Variants in SPCS3 observed in about 807,000 individuals in gnomAD.
The protein encoded by SPCS3 is SPase 22 kDa subunit.
SPCS3 carries 9 observed loss-of-function variants against 17.2 expected under a neutral mutation model. The observed-to-expected ratio is 0.52, with a 90% CI of 0.31 to 0.91. The LOEUF (loss-of-function observed/expected upper bound fraction) is 0.91. Ranked by LOEUF, SPCS3 falls within the 40% of genes least tolerant of loss-of-function variation. SPCS3 has a pLI of 0.04. For synonymous variants in SPCS3, 87 were observed against 89.6 expected, an observed-to-expected ratio of 0.97 and a Z score of 0.16; for missense variants, 139 against 217.5, an observed-to-expected ratio of 0.64 and a Z score of 2.27.
intron 1 of SPCS3, chr4:176,321,339 C>G (rs1327210221): frequency 6.6e-6 from 1 of 152,102 alleles, no homozygotes; most frequent in African/African-American, 2.4e-5. Context: ...TCTTACCATT[C>G]TGGGCCTTAA....
intron 1 of SPCS3, chr4:176,321,466 T>G (rs1731537395): frequency 6.6e-6 from 1 of 152,208 alleles, no homozygotes; most frequent in African/African-American, 2.4e-5. Flanking sequence ...AGCAGCTGGT[T>G]ACAGTAGTAT....
intron 1 of SPCS3, 136 bp downstream of exon 1, chr4:176,320,355 G>A: frequency 6.2e-6 from 5 of 802,886 alleles, no homozygotes; most frequent in Non-Finnish European, 8.2e-6. Context: ...GCGGCAGTTC[G>A]CCCCCGAGGG....
rs1210653641 is a variant in SPCS3 at position 176,331,437 on chromosome 4, T to A, written c.*3107T>A. 6.6e-6 allele frequency: 1 copy of A among 152,172 alleles called. No homozygotes were observed. The highest frequency in any genetic ancestry group is 2.4e-5 in the African/African-American group (1 of 41,450). 9.4% of individuals were successfully genotyped at this position (152,172 alleles called of 1,614,324 possible). ...GAGAGAAGCCTGTATATGTTACATGTGTGACTTTCAGTAGTTTAAAGAGAT... is the reference window on the plus strand; with the variant it reads ...GAGAGAAGCCTGTATATGTTACATGAGTGACTTTCAGTAGTTTAAAGAGAT... On this transcript the variant is annotated 3_prime_UTR_variant, in exon 5 of 5. Transcript: ENST00000503362.
Position 176,320,193 on chromosome 4 carries a change from G to A in SPCS3, c.117G>A (p.Val39=). Residue 39 remains valine, a synonymous_variant, in exon 1 of 5, where the codon GTG becomes GTA. Transcript: ENST00000503362. ...TTAFKDRSVP[V]RLHVSRIMLK... Reference sequence around the variant, plus strand: ...CCTTCAAAGACAGGAGCGTCCCGGTGCGGCTGCACGTCTCGCGGATCATGC... The same window carrying A: ...CCTTCAAAGACAGGAGCGTCCCGGTACGGCTGCACGTCTCGCGGATCATGC... 6.4e-7 allele frequency: 1 copy of A among 1,574,452 alleles called. No homozygotes were observed. Among genetic ancestry groups the A allele is most frequent in the Non-Finnish European group, 8.6e-7 (1 of 1,161,578 alleles).
chr4:176,330,112 A>T lies in SPCS3; in HGVS notation c.*1782A>T, dbSNP rs1274508075. On this transcript the variant is annotated 3_prime_UTR_variant, in exon 5 of 5. Coordinates refer to ENST00000503362, the MANE Select transcript of SPCS3 (RefSeq NM_021928.4). ...ATCCTTTTACACCACACAAGTTGAT[A>T]AAATTTATCTGTTCAGCAAAGAGAT... 6.6e-6 allele frequency: 1 copy of T among 152,230 alleles called. No individual in the cohort carries two copies. The highest frequency in any genetic ancestry group is 1.5e-5 in the Non-Finnish European group (1 of 68,030). The allele number at this position is 152,230 out of a possible 1,614,324, so 9.4% of individuals were successfully genotyped here. A position where few individuals can be genotyped will look rare whatever the true frequency, so the allele number is the denominator to read the frequency against.
At chr4:176,327,819 A>G (rs1361458424) in intron 4 of SPCS3, among the ~76,000 whole-genome samples, 1 of 152,254 alleles carries the variant, frequency 6.6e-6, no homozygotes, top group East Asian at 1.9e-4. Context: ...ATTTCAGAAC[A>G]TGAGAATTTT....
chr4:176,322,921 C>T (rs771183003), intron 2 of SPCS3, among the ~76,000 whole-genome samples: 5 of 152,132 alleles, frequency 3.3e-5, no homozygotes, highest in African/African-American at 1.2e-4. Flanking sequence ...TGTTCTCTGC[C>T]ATTTCTAGCC....
chr4:176,320,316 C>G (rs1201743051), intron 1 of SPCS3, 97 bp downstream of exon 1: 2 of 1,143,210 alleles, frequency 1.7e-6, no homozygotes, highest in Non-Finnish European at 2.2e-6. Flanking sequence ...GCCGGGGCCG[C>G]GGGCAGGGCG....
chr4:176,327,921 A>G (rs1400850786), intron 4 of SPCS3, among the ~76,000 whole-genome samples: 2 of 152,198 alleles, frequency 1.3e-5, no homozygotes, highest in African/African-American at 2.4e-5. Flanking sequence ...TTACTGTTTT[A>G]ATCATTTAAA....
chr4:176,319,967 C>G lies in SPCS3; in HGVS notation c.-110C>G. 1 of 1,317,744 alleles carries G rather than the reference C, an allele frequency of 7.6e-7. No homozygotes were observed. 81.6% of individuals were successfully genotyped at this position (1,317,744 alleles called of 1,614,324 possible). A position where few individuals can be genotyped will look rare whatever the true frequency, so the allele number is the denominator to read the frequency against. ...GGAGGCGGGGCTGCGGCGGCGCGCG[C>G]TCCCGGAACGCGCGCACCGCAGACG... On this transcript the variant is annotated 5_prime_UTR_variant, in exon 1 of 5. Coordinates refer to ENST00000503362, the MANE Select transcript of SPCS3 (RefSeq NM_021928.4).
At position 176,331,361 on chromosome 4, in the gene SPCS3, T is replaced by C. The variant is rs887512652; in HGVS notation, c.*3031T>C. 1 of 152,116 alleles carries C rather than the reference T, an allele frequency of 6.6e-6. No homozygotes were observed. Among genetic ancestry groups the C allele is most frequent in the Non-Finnish European group, 1.5e-5 (1 of 68,014 alleles). 9.4% of individuals were successfully genotyped at this position (152,116 alleles called of 1,614,324 possible). On this transcript the variant is annotated 3_prime_UTR_variant, in exon 5 of 5. Coordinates refer to ENST00000503362, the MANE Select transcript of SPCS3 (RefSeq NM_021928.4). Reference sequence around the variant, plus strand: ...GGGGGAAAACCATGAGCTGTGAACATTGGTAGCAAACAAGCATATATTCAT... The same window carrying C: ...GGGGGAAAACCATGAGCTGTGAACACTGGTAGCAAACAAGCATATATTCAT...
At chr4:176,322,145 G>C in intron 1 of SPCS3, 25 bp from the exon 2 acceptor site, 6 of 1,486,572 alleles carry the variant, frequency 4.0e-6, no homozygotes, top group Non-Finnish European at 5.6e-6. Flanking sequence ...TGGAAGGATG[G>C]TAAAACTTTT....
At position 176,330,085 on chromosome 4, in the gene SPCS3, C is replaced by A. The variant is rs1731663550; in HGVS notation, c.*1755C>A. On this transcript the variant is annotated 3_prime_UTR_variant, in exon 5 of 5. Coordinates refer to ENST00000503362, the MANE Select transcript of SPCS3 (RefSeq NM_021928.4). ...GAGTTGGACCAGTTAACTTTAATGG[C>A]CATCCTTTTACACCACACAAGTTGA... The A allele has an allele frequency of 6.6e-6, 1 of 152,096 alleles. No homozygotes were observed. The highest frequency in any genetic ancestry group is 2.4e-5 in the African/African-American group (1 of 41,414). The allele number at this position is 152,096 out of a possible 1,614,324, so 9.4% of individuals were successfully genotyped here.
chr4:176,324,942 TATTA>T (rs1731584523), intron 3 of SPCS3, among the ~76,000 whole-genome samples: 1 of 151,962 alleles, frequency 6.6e-6, no homozygotes, highest in African/African-American at 2.4e-5. Flanking sequence ...CTGTCAATGA[TATTA>T]ATTAACAATA....
rs897278012 is a variant in SPCS3, at chr4:176,331,279, A to G, written c.*2949A>G. 5 of 152,142 alleles carry G rather than the reference A, an allele frequency of 3.3e-5. No homozygotes were observed. The highest frequency in any genetic ancestry group is 9.7e-5 in the African/African-American group (4 of 41,436). 9.4% of individuals were successfully genotyped at this position (152,142 alleles called of 1,614,324 possible). On this transcript the variant is annotated 3_prime_UTR_variant, in exon 5 of 5. Transcript: ENST00000503362. ...ATCTAGAGCTTTGGATCTTTCGGGT[A>G]TATGTCAATGGAGGTATTATTTTAT... is the stretch of plus-strand genomic sequence containing the variant.
chr4:176,320,503 T>C (rs1731521083), intron 1 of SPCS3: 1 of 194,964 alleles, frequency 5.1e-6, no homozygotes, highest in South Asian at 1.9e-4. Flanking sequence ...TGCTTCCTGT[T>C]CCTCACTTCC....
intron 1 of SPCS3, chr4:176,321,435 G>T (rs1204819304): frequency 6.6e-6 from 1 of 152,186 alleles, no homozygotes; most frequent in Non-Finnish European, 1.5e-5. Context: ...CAGTGGGTCT[G>T]AGCCGTAGTA....
intron 2 of SPCS3, among the ~76,000 whole-genome samples, chr4:176,323,669 C>G (rs932677141): frequency 2.6e-5 from 4 of 152,110 alleles, no homozygotes; most frequent in Admixed American, 2.0e-4. Flanking sequence ...TCATTTGCAT[C>G]TTTGAGAGAC....
At position 176,328,405 on chromosome 4, in the gene SPCS3, C is replaced by A. The variant is rs112954848; in HGVS notation, c.*75C>A. 59 of 1,035,198 alleles carry A rather than the reference C, an allele frequency of 5.7e-5. No homozygotes were observed. The highest frequency in any genetic ancestry group is 6.8e-5 in the East Asian group (2 of 29,480). 64.1% of individuals were successfully genotyped at this position (1,035,198 alleles called of 1,614,324 possible). On this transcript the variant is annotated 3_prime_UTR_variant, in exon 5 of 5. Coordinates refer to ENST00000503362, the MANE Select transcript of SPCS3 (RefSeq NM_021928.4). ...TCATTAATCTCTTCCCTTACATCTT[C>A]ATGTATTGTTGGTTTGTTTTTTGGT...
Sources: allele counts gnomAD v4.1 joint callset (sites outside exome capture counted in the v4.1 genomes callset), GRCh38; gene constraint gnomAD v4.1.1; transcripts MANE v1.5; gene names NCBI Gene and HGNC (gene_info 2026-07-23, HGNC 2026-07-21).